PKP1: variants seen among roughly 807,000 people sequenced by gnomAD.
PKP1 encodes plakophilin 1.
In PKP1, 27 loss-of-function variants were observed where a neutral mutation model predicts 76.4. The ratio of observed to expected loss-of-function variants is 0.35; its 90% CI spans 0.26 to 0.49. PKP1 has a LOEUF of 0.49. Ranked by LOEUF, PKP1 falls within the 20% of genes least tolerant of loss-of-function variation. PKP1 has a pLI of 0.99. For missense variants in PKP1, 964 were observed against 955.2 expected (o/e 1.01, Z -0.12); for synonymous variants, 404 against 384.2 (o/e 1.05, Z -0.60).
chr1:201,320,435 T>C, intron 7 of PKP1, 54 bp downstream of exon 7: 1 of 1,193,462 alleles, frequency 8.4e-7, no homozygotes, highest in South Asian at 1.2e-5. Context: ...CCCTACATTT[T>C]CTGGGTGCCT....
chr1:201,299,357 T>C (rs1656159070), intron 2 of PKP1, among the ~76,000 whole-genome samples: 1 of 152,206 alleles, frequency 6.6e-6, no homozygotes, highest in Non-Finnish European at 1.5e-5. Context: ...AGTTTATGGA[T>C]GTGACATACC....
chr1:201,320,425 C>G (rs760300728), intron 7 of PKP1, 44 bp downstream of exon 7: 8 of 1,306,784 alleles, frequency 6.1e-6, no homozygotes, highest in Admixed American at 1.7e-5. Context: ...AGGCCCAGCC[C>G]CCTACATTTT....
chr1:201,325,156 C>T (rs1250834122), intron 11 of PKP1, 29 bp downstream of exon 11: 2 of 1,605,860 alleles, frequency 1.2e-6, no homozygotes, highest in Non-Finnish European at 1.7e-6. Flanking sequence ...CCACGGGCTG[C>T]ACCCCAATCA....
At chr1:201,292,458 G>A (rs779107530) in intron 1 of PKP1, among the ~76,000 whole-genome samples, 21 of 152,172 alleles carry the variant, frequency 1.4e-4, no homozygotes, top group Non-Finnish European at 2.9e-4. Flanking sequence ...ATGATGGAAG[G>A]GTGCAGAGAG....
At chr1:201,302,910 G>C (rs768082129) in intron 2 of PKP1, among the ~76,000 whole-genome samples, 29 of 152,236 alleles carry the variant, frequency 1.9e-4, no homozygotes, top group Admixed American at 1.3e-4. Flanking sequence ...GGCATGCTGT[G>C]GTTGGGGAAA....
rs933818145 is a variant in PKP1 at position 201,323,133 on chromosome 1, G to A, written c.1624G>A (p.Ala542Thr). ...CCTCATGGGCAAGAGCAAGAAAGAT[G>A]CTACCCTGGAGGCCTGTGCTGGTGC... ...LNLMGKSKKDATLEACAGALQ... is the reference protein window; with the variant it reads ...LNLMGKSKKDTTLEACAGALQ... The change falls in exon 9 of 14, where the codon GCT becomes ACT. Residue 542 changes from alanine to threonine, a missense_variant. Physicochemically the swap from Ala to Thr is moderately conservative, Grantham distance 58. Coordinates refer to ENST00000367324, the MANE Select transcript of PKP1 (RefSeq NM_001005337.3). The A allele has an allele frequency of 6.2e-7, 1 of 1,614,158 alleles. No individual in the cohort carries two copies. Among genetic ancestry groups the A allele is most frequent in the Non-Finnish European group, 8.5e-7 (1 of 1,180,030 alleles).
At chr1:201,317,378 C>T (rs1360087847) in intron 4 of PKP1, among the ~76,000 whole-genome samples, 194 bp from the exon 5 acceptor site, 1 of 152,100 alleles carries the variant, frequency 6.6e-6, no homozygotes, top group Admixed American at 6.5e-5. Context: ...GAGCTAGGAT[C>T]TGAATCCAGG....
chr1:201,312,276 AG>A (rs1289126285), intron 2 of PKP1, among the ~76,000 whole-genome samples: 1 of 152,216 alleles, frequency 6.6e-6, no homozygotes, highest in Non-Finnish European at 1.5e-5. Context: ...TTAGCAGAAA[AG>A]AACAGTAGAA....
At chr1:201,312,626 T>G (rs1656590537) in intron 2 of PKP1, among the ~76,000 whole-genome samples, 1 of 152,158 alleles carries the variant, frequency 6.6e-6, no homozygotes, top group South Asian at 2.1e-4. Context: ...AAAGCCTGGC[T>G]TCACTCGAAG....
At chr1:201,310,283 A>G (rs528040485) in intron 2 of PKP1, among the ~76,000 whole-genome samples, 1 of 152,354 alleles carries the variant, frequency 6.6e-6, no homozygotes, top group East Asian at 1.9e-4. Context: ...GATTCTCCCA[A>G]CAATCCTCTA....
chr1:201,313,091 G>A, intron 2 of PKP1, 75 bp from the exon 3 acceptor site: 3 of 1,458,164 alleles, frequency 2.1e-6, no homozygotes, highest in African/African-American at 1.4e-5. Flanking sequence ...GGGGAGGGCT[G>A]TATCTCATGC....
intron 3 of PKP1, 109 bp downstream of exon 3, chr1:201,313,669 C>G: frequency 8.3e-7 from 1 of 1,198,964 alleles, no homozygotes; most frequent in Non-Finnish European, 1.2e-6. Context: ...AGAGACATAG[C>G]TTCTGTCCCT....
At chr1:201,324,303 A>T in intron 9 of PKP1, 125 bp from the exon 10 acceptor site, 1 of 950,028 alleles carries the variant, frequency 1.1e-6, no homozygotes, top group Non-Finnish European at 1.7e-6. Flanking sequence ...CATGTGAGCT[A>T]GTGCTTCCAA....
chr1:201,293,932 T>C lies in PKP1; in HGVS notation c.203-10T>C. ...CCATCCCTGTCCTAATCCCCTCCTT[T>C]CTCCTCTAGGTTCCATGTATGATGG... On this transcript the variant is annotated splice_polypyrimidine_tract_variant and intron_variant, in intron 1 of 13. Transcript: ENST00000367324. The C allele has an allele frequency of 6.3e-7, 1 of 1,593,132 alleles. No individual in the cohort carries two copies. Among genetic ancestry groups the C allele is most frequent in the Non-Finnish European group, 8.6e-7 (1 of 1,162,636 alleles).
At chr1:201,307,664 G>A (rs1236517546) in intron 2 of PKP1, among the ~76,000 whole-genome samples, 1 of 152,214 alleles carries the variant, frequency 6.6e-6, no homozygotes, top group Non-Finnish European at 1.5e-5. Context: ...TGAAATCCCA[G>A]CAAGATGAAC....
In PKP1 at chr1:201,328,880, C is replaced by A. The variant is rs1381736977; in HGVS notation, c.*32+12C>A. ...AGTTAGGCTTGCAGGTAAGAATCAC[C>A]CCACCCTCAGGGATGCCTCTGGGAC... On this transcript the variant is annotated intron_variant, in intron 13 of 13. Transcript: ENST00000367324. The A allele has an allele frequency of 6.6e-7, 1 of 1,511,846 alleles. No individual in the cohort carries two copies. The highest frequency in any genetic ancestry group is 9.2e-7 in the Non-Finnish European group (1 of 1,086,712). The allele number at this position is 1,511,846 out of a possible 1,614,324, so 93.7% of individuals were successfully genotyped here.
In PKP1 at chr1:201,316,781, A is replaced by G. The variant is rs1534051; in HGVS notation, c.846+84A>G. The stretch of plus-strand genomic sequence containing the variant: ...CTGACTCCGCTTTTAGAGATGGGTG[A>G]GGGCATCTGCAGTTGGCTTCTCTTG... On this transcript the variant is annotated intron_variant, in intron 4 of 13. Transcript: ENST00000367324. The G allele has an allele frequency of 0.79, 1,176,543 of 1,486,422 alleles. 466,236 individuals carry two copies. Among genetic ancestry groups the G allele is most frequent in the South Asian group, 0.88 (75,357 of 85,776 alleles). 92.1% of individuals were successfully genotyped at this position (1,486,422 alleles called of 1,614,324 possible).
chr1:201,313,723 G>A (rs1357102306), intron 3 of PKP1, among the ~76,000 whole-genome samples, 163 bp downstream of exon 3: 1 of 152,256 alleles, frequency 6.6e-6, no homozygotes. Flanking sequence ...CTAATGGGGA[G>A]AACCTGGCCC....
At chr1:201,327,511 G>T (rs1657163619) in intron 12 of PKP1, among the ~76,000 whole-genome samples, 1 of 152,254 alleles carries the variant, frequency 6.6e-6, no homozygotes, top group Non-Finnish European at 1.5e-5. Flanking sequence ...CTGCCAGATA[G>T]ACAAAGGGAG....
Sources: allele counts gnomAD v4.1 joint callset (sites outside exome capture counted in the v4.1 genomes callset), GRCh38; gene constraint gnomAD v4.1.1; transcripts MANE v1.5; gene names NCBI Gene and HGNC (gene_info 2026-07-23, HGNC 2026-07-21).